The following WDR41 variants were observed in gnomAD, a reference collection of about 807,000 sequenced individuals.
The protein encoded by WDR41 is WD repeat domain 41, also known as WD repeat-containing protein 41.
WDR41 carries 63 observed loss-of-function variants against 69.3 expected under a neutral mutation model. The ratio of observed to expected loss-of-function variants is 0.91; its 90% CI spans 0.74 to 1.12. The LOEUF (loss-of-function observed/expected upper bound fraction) is 1.12, where lower values mean the gene tolerates loss of function less well. WDR41 is among the 50% of genes most tolerant of loss of function. The pLI, the probability that WDR41 is intolerant of heterozygous loss-of-function variation, is 0.00. For missense variants in WDR41, 543 were observed against 534.5 expected (o/e 1.02, Z -0.16); for synonymous variants, 185 against 192.1 (o/e 0.96, Z 0.31).
intron 1 of WDR41, among the ~76,000 whole-genome samples, chr5:77,490,305 G>A (rs1204000962): frequency 1.3e-5 from 2 of 152,088 alleles, no homozygotes; most frequent in Admixed American, 1.3e-4. Flanking sequence ...GTGCATTACA[G>A]GACATTGAGC....
intron 12 of WDR41, among the ~76,000 whole-genome samples, chr5:77,434,152 G>A (rs1798844591): frequency 6.6e-6 from 1 of 151,934 alleles, no homozygotes; most frequent in African/African-American, 2.4e-5. Context: ...CAAACATGGT[G>A]AAACCCTGTC....
chr5:77,432,769 C>CACAATAATTCTAAA lies in WDR41; in HGVS notation c.*352_*365dup, dbSNP rs1281696838. ...CAGGAGAAAGGCTATTTTTAAACTTCACAATAATTCTAAAGGAAGCCAAAT... is the reference window on the plus strand; with the variant it reads ...CAGGAGAAAGGCTATTTTTAAACTTCACAATAATTCTAAAACAATAATTCTAAAGGAAGCCAAAT... On this transcript the variant is annotated 3_prime_UTR_variant, in exon 13 of 13. Transcript: ENST00000296679. 1 of 161,132 alleles carries CACAATAATTCTAAA rather than the reference C, an allele frequency of 6.2e-6. No individual in the cohort carries two copies. Among genetic ancestry groups the CACAATAATTCTAAA allele is most frequent in the African/African-American group, 2.4e-5 (1 of 41,790 alleles). The allele number at this position is 161,132 out of a possible 1,614,324, so 10.0% of individuals were successfully genotyped here. A position where few individuals can be genotyped will look rare whatever the true frequency, so the allele number is the denominator to read the frequency against.
chr5:77,439,527 T>C (rs553807475), intron 9 of WDR41, among the ~76,000 whole-genome samples: 14 of 152,352 alleles, frequency 9.2e-5, no homozygotes, highest in African/African-American at 3.1e-4. Context: ...AAACTCATTC[T>C]ATAGACCAGG....
chr5:77,572,905 T>C (rs1251740896), intron 1 of WDR41, among the ~76,000 whole-genome samples: 6 of 152,250 alleles, frequency 3.9e-5, no homozygotes, highest in Non-Finnish European at 8.8e-5. Flanking sequence ...CGGTGATGTA[T>C]AAAACAGGGT....
intron 1 of WDR41, among the ~76,000 whole-genome samples, chr5:77,538,143 C>T (rs142470242): frequency 0.01 from 1,548 of 152,274 alleles, 9 homozygotes; most frequent in Non-Finnish European, 0.014. Context: ...ATTCCACTCT[C>T]TATGTCCATC....
chr5:77,448,407 CTGAGTTTTA>C, intron 8 of WDR41, among the ~76,000 whole-genome samples: 1 of 152,264 alleles, frequency 6.6e-6, no homozygotes, highest in Non-Finnish European at 1.5e-5. Flanking sequence ...AGACCTGCAG[CTGAGTTTTA>C]CAATAAGATG....
At chr5:77,550,764 C>A (rs894588487) in intron 1 of WDR41, among the ~76,000 whole-genome samples, 1 of 151,992 alleles carries the variant, frequency 6.6e-6, no homozygotes, top group Non-Finnish European at 1.5e-5. Flanking sequence ...AATCATTCTA[C>A]CAAAAAGACA....
chr5:77,557,600 C>T (rs1365634463), intron 1 of WDR41, among the ~76,000 whole-genome samples: 1 of 151,776 alleles, frequency 6.6e-6, no homozygotes, highest in African/African-American at 2.4e-5. Context: ...GTACACTTCT[C>T]ATGGCAGTAG....
chr5:77,616,988 T>C (rs1744690927), intron 1 of WDR41, among the ~76,000 whole-genome samples: 1 of 152,206 alleles, frequency 6.6e-6, no homozygotes, highest in Admixed American at 6.5e-5. Flanking sequence ...TTCAACGGCC[T>C]TCAGGGACAC....
chr5:77,485,297 C>G (rs1023978368), intron 2 of WDR41, among the ~76,000 whole-genome samples: 1 of 152,160 alleles, frequency 6.6e-6, no homozygotes, highest in African/African-American at 2.4e-5. Flanking sequence ...ATACTGATTT[C>G]TGTTCTCTGA....
At chr5:77,442,309 A>T (rs1286091482) in intron 8 of WDR41, among the ~76,000 whole-genome samples, 1 of 152,230 alleles carries the variant, frequency 6.6e-6, no homozygotes, top group Non-Finnish European at 1.5e-5. Flanking sequence ...TAAGACATCA[A>T]CAAAATGAAA....
intron 1 of WDR41, among the ~76,000 whole-genome samples, chr5:77,598,573 A>G (rs969035921): frequency 2.0e-5 from 3 of 152,134 alleles, no homozygotes; most frequent in African/African-American, 2.4e-5. Context: ...TCAGTGAACA[A>G]CACTTGAGCT....
Position 77,484,195 on chromosome 5 carries a change from G to C in WDR41, c.167+5262C>G, listed in dbSNP as rs1801409108. 3.3e-5 allele frequency among the ~76,000 whole-genome samples: 5 copies of C among 152,212 alleles called. No homozygotes were observed. In the South Asian group the frequency reaches 1.0e-3, roughly 32 times the overall value. ...CACTCCTGTCATCCTCCCAAACCCTGCAACATCTTATCCAACTAAACAAAA... is the reference window on the plus strand; with the variant it reads ...CACTCCTGTCATCCTCCCAAACCCTCCAACATCTTATCCAACTAAACAAAA... On this transcript the variant is annotated intron_variant, in intron 2 of 12. Transcript: ENST00000296679.
intron 1 of WDR41, among the ~76,000 whole-genome samples, chr5:77,553,476 C>T (rs1484266186): frequency 1.3e-5 from 2 of 152,152 alleles, no homozygotes; most frequent in Non-Finnish European, 2.9e-5. Context: ...CTCTCAATAC[C>T]ATCATAATGG....
chr5:77,518,105 T>C (rs1237511182), intron 1 of WDR41, among the ~76,000 whole-genome samples: 1 of 152,170 alleles, frequency 6.6e-6, no homozygotes, highest in African/African-American at 2.4e-5. Context: ...TGTGACTAAC[T>C]CTTCTATGAG....
intron 1 of WDR41, among the ~76,000 whole-genome samples, chr5:77,612,328 G>C (rs187384098): frequency 6.6e-6 from 1 of 152,216 alleles, no homozygotes; most frequent in African/African-American, 2.4e-5. Flanking sequence ...AAACCAGGCA[G>C]AGACACAACC....
At chr5:77,469,871 A>G (rs1339737134) in intron 2 of WDR41, among the ~76,000 whole-genome samples, 6 of 152,220 alleles carry the variant, frequency 3.9e-5, no homozygotes, top group African/African-American at 1.4e-4. Flanking sequence ...ATTATACAGG[A>G]GAACTTCTCC....
chr5:77,520,738 T>C (rs1802358720), intron 1 of WDR41, among the ~76,000 whole-genome samples: 1 of 152,218 alleles, frequency 6.6e-6, no homozygotes, highest in Admixed American at 6.5e-5. Flanking sequence ...GAGTACATTA[T>C]AGCTGTTAAA....
chr5:77,543,587 C>A (rs1743133540), intron 1 of WDR41, among the ~76,000 whole-genome samples: 1 of 151,934 alleles, frequency 6.6e-6, no homozygotes, highest in Non-Finnish European at 1.5e-5. Context: ...TTTGAATTAA[C>A]CCAATCCAAG....
Sources: allele counts gnomAD v4.1 joint callset (sites outside exome capture counted in the v4.1 genomes callset), GRCh38; gene constraint gnomAD v4.1.1; transcripts MANE v1.5; gene names NCBI Gene and HGNC (gene_info 2026-07-23, HGNC 2026-07-21).